COL23A1: variants seen among roughly 807,000 people sequenced by gnomAD.
COL23A1 encodes collagen alpha-1(XXIII) chain.
COL23A1 carries 97 observed loss-of-function variants against 99.3 expected under a neutral mutation model. The ratio of observed to expected loss-of-function variants is 0.98; its 90% confidence interval spans 0.83 to 1.16. The LOEUF (loss-of-function observed/expected upper bound fraction) is 1.16, where lower values mean the gene tolerates loss of function less well. COL23A1 is among the 50% of genes most tolerant of loss of function. COL23A1 has a pLI of 0.00. For synonymous variants in COL23A1, 320 were observed against 308.2 expected (o/e 1.04, Z -0.40); for missense variants, 762 against 757.4 (o/e 1.01, Z -0.07).
intron 2 of COL23A1, among the ~76,000 whole-genome samples, chr5:178,368,096 C>T (rs970759349): frequency 6.6e-5 from 10 of 152,124 alleles, no homozygotes; most frequent in East Asian, 1.9e-4. Flanking sequence ...GATTTTGATG[C>T]GTCGAAAGGG....
intron 2 of COL23A1, among the ~76,000 whole-genome samples, chr5:178,400,517 T>C (rs1418178812): frequency 1.3e-5 from 2 of 152,164 alleles, no homozygotes; most frequent in Non-Finnish European, 2.9e-5. Context: ...TCTGTTTCTA[T>C]AGTTTTCTAA....
chr5:178,529,413 G>A (rs936336396), intron 2 of COL23A1, among the ~76,000 whole-genome samples: 1 of 150,952 alleles, frequency 6.6e-6, no homozygotes, highest in East Asian at 1.9e-4. Flanking sequence ...ACCATCAGAC[G>A]CCTGGTTTCT....
At chr5:178,268,639 C>T (rs1405332471) in intron 7 of COL23A1, 91 bp downstream of exon 7, 2 of 1,417,276 alleles carry the variant, frequency 1.4e-6, no homozygotes, top group Non-Finnish European at 1.9e-6. Flanking sequence ...CTGTGATGTG[C>T]TCAAGGGCAC....
At chr5:178,345,507 G>A (rs537543267) in intron 2 of COL23A1, among the ~76,000 whole-genome samples, 41 of 148,726 alleles carry the variant, frequency 2.8e-4, no homozygotes, top group East Asian at 5.9e-4. Flanking sequence ...TTCTATTTTC[G>A]TATTTGCTGA....
At chr5:178,261,406 T>G (rs999621863) in intron 11 of COL23A1, among the ~76,000 whole-genome samples, 3 of 151,872 alleles carry the variant, frequency 2.0e-5, no homozygotes, top group Non-Finnish European at 4.4e-5. Flanking sequence ...AGTGAGACTC[T>G]GCCTCAAAAG....
At chr5:178,258,728 G>A (rs760876990) in intron 12 of COL23A1, among the ~76,000 whole-genome samples, 2 of 150,210 alleles carry the variant, frequency 1.3e-5, no homozygotes, top group African/African-American at 4.9e-5. Flanking sequence ...AAGGTCTCGC[G>A]CTGTTATCCA....
intron 2 of COL23A1, among the ~76,000 whole-genome samples, chr5:178,456,620 C>G (rs980469883): frequency 2.6e-5 from 4 of 152,182 alleles, no homozygotes; most frequent in African/African-American, 9.7e-5. Flanking sequence ...ATTGCTTGAA[C>G]CCGGGAGGTG....
Position 178,465,491 on chromosome 5 carries a change from G to C in COL23A1, c.361+95191C>G, listed in dbSNP as rs1448873384. On this transcript the variant is annotated intron_variant, in intron 2 of 28. Coordinates refer to ENST00000390654, the MANE Select transcript of COL23A1 (RefSeq NM_173465.4). ...TCACACAGAGGCAGATAACCCCTCT[G>C]ACATGGGCCTCCGAGCAAGCCTGCT... Among the ~76,000 whole-genome samples the C allele has an allele frequency of 2.0e-5, 3 of 152,180 alleles. 1 individual carries two copies. The highest frequency in any genetic ancestry group is 6.5e-5 in the Admixed American group (1 of 15,292).
At chr5:178,398,157 G>A (rs2127760371) in intron 2 of COL23A1, among the ~76,000 whole-genome samples, 3 of 152,260 alleles carry the variant, frequency 2.0e-5, no homozygotes, top group Middle Eastern at 3.4e-3. Flanking sequence ...AGCAACTTGG[G>A]TAAAAAAGAT....
chr5:178,560,350 C>G (rs927622922), intron 2 of COL23A1, among the ~76,000 whole-genome samples: 7 of 152,174 alleles, frequency 4.6e-5, no homozygotes, highest in African/African-American at 9.7e-5. Context: ...GGGTTCCAGG[C>G]TGTCACCTCC....
At chr5:178,491,701 A>AT (rs916260882) in intron 2 of COL23A1, among the ~76,000 whole-genome samples, 71 of 150,992 alleles carry the variant, frequency 4.7e-4, no homozygotes, top group African/African-American at 1.5e-3. Flanking sequence ...AAACATCTTG[A>AT]TTTTTTTTTC....
intron 2 of COL23A1, among the ~76,000 whole-genome samples, chr5:178,471,957 G>A (rs17052428): frequency 0.096 from 14,627 of 152,084 alleles, 1,732 homozygotes; most frequent in East Asian, 0.51. Context: ...CTTTCAAGCA[G>A]TTGTCTCCAT....
At chr5:178,533,971 A>T (rs1012908465) in intron 2 of COL23A1, among the ~76,000 whole-genome samples, 1 of 152,234 alleles carries the variant, frequency 6.6e-6, no homozygotes, top group East Asian at 1.9e-4. Context: ...TTGGTCCAGT[A>T]TCAGCAAACT....
At chr5:178,325,890 C>T (rs147192897) in intron 2 of COL23A1, among the ~76,000 whole-genome samples, 126 of 152,276 alleles carry the variant, frequency 8.3e-4, no homozygotes, top group African/African-American at 2.7e-3. Flanking sequence ...GTCGTGCCTG[C>T]GCTTGTGCCT....
At chr5:178,266,378 TGCGCA>T in intron 8 of COL23A1, among the ~76,000 whole-genome samples, 1 of 151,896 alleles carries the variant, frequency 6.6e-6, no homozygotes, top group African/African-American at 2.4e-5. Flanking sequence ...TGTGTGTGTG[TGCGCA>T]TATGTGTGTG....
intron 5 of COL23A1, among the ~76,000 whole-genome samples, chr5:178,271,316 T>G (rs1434407301): frequency 6.6e-6 from 1 of 152,120 alleles, no homozygotes; most frequent in Non-Finnish European, 1.5e-5. Flanking sequence ...CACTTCACTC[T>G]TGGCCGCAGC....
In COL23A1 at chr5:178,434,263, G is replaced by C. The variant is rs983285743; in HGVS notation, c.361+126419C>G. Among the ~76,000 whole-genome samples, 5 of 152,204 alleles carry C rather than the reference G, an allele frequency of 3.3e-5. No individual in the cohort carries two copies. Among genetic ancestry groups the C allele is most frequent in the African/African-American group, 7.2e-5 (3 of 41,442 alleles). On this transcript the variant is annotated intron_variant, in intron 2 of 28. Transcript: ENST00000390654. The surrounding 1 kb of genome is among the most constrained non-coding windows in gnomAD (Gnocchi z 4.3). ...CACACTGTGGGTCAGTGGCAGGCTGGGCTTTTCTGCTGGCCTCTGCAGCCT... is the reference window on the plus strand; with the variant it reads ...CACACTGTGGGTCAGTGGCAGGCTGCGCTTTTCTGCTGGCCTCTGCAGCCT...
chr5:178,238,403 C>T lies in COL23A1; in HGVS notation c.*295G>A, dbSNP rs1490550797. 6.5e-6 allele frequency: 3 copies of T among 462,222 alleles called. No individual in the cohort carries two copies. Among genetic ancestry groups the T allele is most frequent in the Non-Finnish European group, 7.8e-6 (2 of 255,260 alleles). 28.6% of individuals were successfully genotyped at this position (462,222 alleles called of 1,614,324 possible). The stretch of plus-strand genomic sequence containing the variant: ...TCTCTGCTGATCAGGTGACTGAAGG[C>T]CCAACGTAGCATCTTTCTAGCCTTG... On this transcript the variant is annotated 3_prime_UTR_variant, in exon 29 of 29. Coordinates refer to ENST00000390654, the MANE Select transcript of COL23A1 (RefSeq NM_173465.4).
rs79525142 is a variant in COL23A1 at position 178,378,598 on chromosome 5, A to G, written c.362-71679T>C. On this transcript the variant is annotated intron_variant, in intron 2 of 28. Coordinates refer to ENST00000390654, the MANE Select transcript of COL23A1 (RefSeq NM_173465.4). ...AGGGAGAAGGTGGCGTGGAGATGGG[A>G]GAAGTTCCCCCGCAGAGGCGACAAT... Among the ~76,000 whole-genome samples the G allele has an allele frequency of 9.3e-4, 141 of 152,310 alleles. 1 individual carries two copies. The East Asian group carries it at 0.016, about 17-fold the overall frequency.
Sources: gnomAD v4.1 joint callset for allele counts (sites outside exome capture counted in the v4.1 genomes callset) on GRCh38, gnomAD v4.1.1 for gene constraint, Gnocchi (gnomAD v3.1) non-coding constraint, MANE v1.5 for transcripts, NCBI Gene and HGNC (gene_info 2026-07-23, HGNC 2026-07-21) for gene names.